SSPN: variants seen among roughly 807,000 people sequenced by gnomAD.
The protein encoded by SSPN is K-ras oncogene-associated protein.
SSPN carries 15 observed loss-of-function variants against 19.1 expected under a neutral mutation model. The observed-to-expected ratio is 0.78, with a 90% CI of 0.52 to 1.21. The LOEUF (loss-of-function observed/expected upper bound fraction) is 1.21. Ranked by LOEUF, SSPN falls within the 50% of genes most tolerant of loss-of-function variation. The probability of loss-of-function intolerance (pLI) is 0.00; values close to 1 mark genes in which losing one functional copy is unlikely to be tolerated. For synonymous variants in SSPN, 147 were observed against 140.3 expected, an observed-to-expected ratio of 1.05 and a Z score of -0.34; for missense variants, 291 against 314.0, an observed-to-expected ratio of 0.93 and a Z score of 0.55.
chr12:26,191,610 G>A (rs1460902456), upstream of SSPN, among the ~76,000 whole-genome samples: 2 of 150,982 alleles, frequency 1.3e-5, no homozygotes, highest in Non-Finnish European at 3.0e-5. Context: ...AAGCCCAAAG[G>A]CACATTTAGA....
intron 2 of SSPN, among the ~76,000 whole-genome samples, chr12:26,228,053 G>A (rs947773004): frequency 6.6e-6 from 1 of 152,138 alleles, no homozygotes; most frequent in Non-Finnish European, 1.5e-5. Flanking sequence ...GAGAATGAGG[G>A]ATTATTGTCA....
chr12:26,127,012 A>C (rs1944370586), intron 1 of SSPN, among the ~76,000 whole-genome samples: 1 of 152,192 alleles, frequency 6.6e-6, no homozygotes, highest in Non-Finnish European at 1.5e-5. Context: ...CTATTCCTGC[A>C]GTACTGTATC....
At chr12:26,194,326 T>C (rs34753809), upstream of SSPN, among the ~76,000 whole-genome samples, 6,462 of 152,312 alleles carry the variant, frequency 0.042, 195 homozygotes, top group South Asian at 0.081. Context: ...CTCTTAAATA[T>C]TGACTGAGTA....
intron 1 of SSPN, among the ~76,000 whole-genome samples, chr12:26,148,197 C>T (rs1382491053): frequency 6.6e-6 from 1 of 152,202 alleles, no homozygotes; most frequent in Non-Finnish European, 1.5e-5. Flanking sequence ...ATCCTCCTGC[C>T]AGCTGAGTGC....
intron 1 of SSPN, among the ~76,000 whole-genome samples, chr12:26,145,152 C>A (rs568805020): frequency 6.6e-6 from 1 of 152,238 alleles, no homozygotes; most frequent in Non-Finnish European, 1.5e-5. Flanking sequence ...TTCTTTCCAG[C>A]TCTCAAGTCA....
intron 1 of SSPN, among the ~76,000 whole-genome samples, chr12:26,168,365 A>G (rs1944633945): frequency 6.6e-6 from 1 of 152,212 alleles, no homozygotes; most frequent in African/African-American, 2.4e-5. Context: ...TAAAAATGCT[A>G]AAATGATCAA....
rs765237058 is a variant in SSPN at position 26,122,647 on chromosome 12, C to CGCT, written c.-31+498_-31+500dup. 8.2e-6 allele frequency: 11 copies of CGCT among 1,337,084 alleles called. No homozygotes were observed. The African/African-American group carries it at 1.5e-4, about 18-fold the overall frequency. 82.8% of individuals were successfully genotyped at this position (1,337,084 alleles called of 1,614,324 possible). ...GCCGCGCCGCCCCCCGGGCCGCCGC[C>CGCT]GCTGCCGCCGCCGCGGGAATCCAGC... On this transcript the variant is annotated intron_variant, in intron 1 of 2. Transcript: ENST00000538142.
In SSPN at chr12:26,123,167, C is replaced by T. The variant is rs371367438; in HGVS notation, c.-31+1015C>T. ...GAATGGGCGATTTCAGAGATCGCTC[C>T]CCTAGGATGAGGAAGGGATGGGGGT... On this transcript the variant is annotated intron_variant, in intron 1 of 2. Transcript: ENST00000538142. 4.4e-6 allele frequency: 7 copies of T among 1,586,932 alleles called. No individual in the cohort carries two copies. The African/African-American group carries it at 6.7e-5, about 15-fold the overall frequency.
intron 1 of SSPN, among the ~76,000 whole-genome samples, chr12:26,217,903 G>C (rs1486588325): frequency 1.3e-5 from 2 of 152,222 alleles, no homozygotes; most frequent in Non-Finnish European, 2.9e-5. Context: ...GTGGAAGTCA[G>C]TATGGCGATT....
At chr12:26,184,142 T>C (rs769662434) in intron 1 of SSPN, among the ~76,000 whole-genome samples, 1 of 152,124 alleles carries the variant, frequency 6.6e-6, no homozygotes, top group Non-Finnish European at 1.5e-5. Flanking sequence ...GGGTGGAAAA[T>C]GGAACATTCC....
intron 1 of SSPN, among the ~76,000 whole-genome samples, chr12:26,220,309 G>C (rs1244208600): frequency 7.0e-6 from 1 of 143,840 alleles, no homozygotes; most frequent in Non-Finnish European, 1.5e-5. Context: ...AGCCCTATCA[G>C]AAGGCCAAGA....
chr12:26,167,208 TGA>T (rs1944626621), intron 1 of SSPN, among the ~76,000 whole-genome samples: 1 of 152,226 alleles, frequency 6.6e-6, no homozygotes, highest in African/African-American at 2.4e-5. Context: ...ACCACATACG[TGA>T]GGTTTTTTAA....
intron 1 of SSPN, among the ~76,000 whole-genome samples, chr12:26,137,591 AAT>A (rs139773412): frequency 0.17 from 23,510 of 139,520 alleles, 2,293 homozygotes; most frequent in Non-Finnish European, 0.21. Context: ...CACTACCTTG[AAT>A]ATATATATAC....
chr12:26,122,910 G>T, intron 1 of SSPN: 1 of 1,549,852 alleles, frequency 6.5e-7, no homozygotes, highest in Non-Finnish European at 8.7e-7. Context: ...CTCCAGGCAG[G>T]GGGCGGCCGC....
chr12:26,141,547 A>G (rs1408105866), intron 1 of SSPN, among the ~76,000 whole-genome samples: 4 of 152,216 alleles, frequency 2.6e-5, no homozygotes, highest in Non-Finnish European at 5.9e-5. Flanking sequence ...TTTCTCCTCT[A>G]GATCCTCACA....
chr12:26,158,550 G>A (rs1008703748), intron 1 of SSPN, among the ~76,000 whole-genome samples: 1 of 152,344 alleles, frequency 6.6e-6, no homozygotes, highest in East Asian at 1.9e-4. Context: ...CTGCATTACA[G>A]GATCTGCAGG....
intron 1 of SSPN, among the ~76,000 whole-genome samples, chr12:26,209,795 CGTGT>C (rs56680376): frequency 0.041 from 5,960 of 144,988 alleles, 197 homozygotes; most frequent in African/African-American, 0.093. Context: ...ATTCTTAGAG[CGTGT>C]GTGTGTGTGT....
At chr12:26,202,242 T>C (rs1050152206) in intron 1 of SSPN, among the ~76,000 whole-genome samples, 3 of 152,178 alleles carry the variant, frequency 2.0e-5, no homozygotes, top group African/African-American at 7.2e-5. Flanking sequence ...CCGTGGTTGA[T>C]TATATTCATG....
At chr12:26,207,053 G>A (rs758728077) in intron 1 of SSPN, among the ~76,000 whole-genome samples, 17 of 152,144 alleles carry the variant, frequency 1.1e-4, no homozygotes, top group Non-Finnish European at 1.9e-4. Context: ...CCGTGCTAGC[G>A]CAGAGAAGAA....
Sources: allele counts gnomAD v4.1 joint callset (sites outside exome capture counted in the v4.1 genomes callset), GRCh38; gene constraint gnomAD v4.1.1; transcripts MANE v1.5; gene names NCBI Gene and HGNC (gene_info 2026-07-23, HGNC 2026-07-21).